Variants in ERCC6L2 observed in about 807,000 individuals in gnomAD.
ERCC6L2 encodes ERCC excision repair 6 like 2, also known as DNA excision repair protein ERCC-6-like 2.
Under a neutral mutation model 132.0 loss-of-function variants are expected in ERCC6L2, and 77 were observed. The ratio of observed to expected loss-of-function variants is 0.58; its 90% CI spans 0.49 to 0.71. ERCC6L2 has a LOEUF of 0.71. ERCC6L2 is among the 30% of genes least tolerant of loss of function. The pLI is 0.00. For missense variants in ERCC6L2, 1,542 were observed against 1,837.6 expected, an observed-to-expected ratio of 0.84 and a Z score of 2.94; for synonymous variants, 583 against 632.4, an observed-to-expected ratio of 0.92 and a Z score of 1.17.
downstream of ERCC6L2, chr9:96,020,986 C>G (rs1334611252): frequency 2.2e-6 from 1 of 456,550 alleles, no homozygotes; most frequent in South Asian, 1.5e-5. Context: ...CACCGGGCCC[C>G]GTCGGACTGT....
intron 19 of ERCC6L2, among the ~76,000 whole-genome samples, chr9:96,025,429 G>C (rs993217792): frequency 6.6e-6 from 1 of 152,192 alleles, no homozygotes; most frequent in African/African-American, 2.4e-5. Flanking sequence ...TGGGTCAGGC[G>C]GTGGGGCTCA....
In ERCC6L2 at chr9:95,890,629, A is replaced by G. The variant is rs565025554; in HGVS notation, c.472-7220A>G. ...TATACAAGATCATATGCAAGAAACA[A>G]AGCCTTCTACCTTAAGGAATGATGC... On this transcript the variant is annotated intron_variant, in intron 2 of 18. Coordinates refer to ENST00000653738, the MANE Select transcript of ERCC6L2 (RefSeq NM_020207.7). Among the ~76,000 whole-genome samples the G allele has an allele frequency of 2.4e-4, 37 of 152,324 alleles. No homozygotes were observed. In the East Asian group the frequency reaches 6.9e-3, roughly 29 times the overall value.
chr9:95,951,138 A>G (rs1831312481), intron 12 of ERCC6L2, among the ~76,000 whole-genome samples: 1 of 152,232 alleles, frequency 6.6e-6, no homozygotes, highest in South Asian at 2.1e-4. Flanking sequence ...CAGTCACAGT[A>G]CAATGAAACT....
intron 2 of ERCC6L2, among the ~76,000 whole-genome samples, chr9:95,891,817 A>G (rs530309844): frequency 6.6e-6 from 1 of 152,204 alleles, no homozygotes; most frequent in East Asian, 1.9e-4. Context: ...ACATATTTTC[A>G]TGTGCTTTTT....
Position 95,941,457 on chromosome 9 carries a change from T to C in ERCC6L2, c.1755T>C (p.Ala585=). 1 of 1,610,188 alleles carries C rather than the reference T, an allele frequency of 6.2e-7. No individual in the cohort carries two copies. Among genetic ancestry groups the C allele is most frequent in the Non-Finnish European group, 8.5e-7 (1 of 1,177,330 alleles). ...TTTTTTTTTCTCTTTCCTCCAGGGC[T>C]GGTGGACTAGGCCTCAATTTTGTCG... ...DVNICLVSTM[A]GGLGLNFVGA... is the part of the protein sequence containing the mutation. The change falls in exon 12 of 19, where the codon GCT becomes GCC. Residue 585 remains alanine, a synonymous_variant. Coordinates refer to ENST00000653738, the MANE Select transcript of ERCC6L2 (RefSeq NM_020207.7).
At chr9:95,941,739 C>T (rs967746753) in intron 12 of ERCC6L2, among the ~76,000 whole-genome samples, 190 bp downstream of exon 12, 1 of 152,080 alleles carries the variant, frequency 6.6e-6, no homozygotes, top group Non-Finnish European at 1.5e-5. Context: ...TTTCATCCAT[C>T]TCAGAATCCT....
chr9:95,994,257 G>C lies in ERCC6L2; in HGVS notation c.3493-10263G>C, dbSNP rs530315639. On this transcript the variant is annotated intron_variant, in intron 17 of 18. Transcript: ENST00000653738. ...GAAGCTCAGGAACAAGGTGTACAAA[G>C]AGCTATCCTGGGATGGGCAGATCCT... Among the ~76,000 whole-genome samples, 15 of 152,266 alleles carry C rather than the reference G, an allele frequency of 9.9e-5. No individual in the cohort carries two copies. The East Asian group carries it at 2.9e-3, about 29-fold the overall frequency.
chr9:95,955,968 G>C lies in ERCC6L2; in HGVS notation c.1902G>C (p.Leu634Phe), dbSNP rs1279012764. ...RDVKVLRLIS[L>F]GTVEEIMYLR... The stretch of plus-strand genomic sequence containing the variant: ...TCAAAGTGCTTAGGCTGATATCCTT[G>C]GGAACTGTGGAGGAAATCATGTATT... The change falls in exon 13 of 19, where the codon TTG (leucine) becomes TTC (phenylalanine). Residue 634 changes from leucine (L) to phenylalanine (F), a missense_variant. Coordinates refer to ENST00000653738, the MANE Select transcript of ERCC6L2 (RefSeq NM_020207.7). The C allele has an allele frequency of 1.2e-6, 2 of 1,608,156 alleles. No homozygotes were observed. Among genetic ancestry groups the C allele is most frequent in the Admixed American group, 3.4e-5 (2 of 59,072 alleles).
At chr9:96,000,130 G>A (rs1232955035) in intron 17 of ERCC6L2, among the ~76,000 whole-genome samples, 4 of 152,046 alleles carry the variant, frequency 2.6e-5, no homozygotes, top group East Asian at 3.9e-4. Flanking sequence ...CTCGTGATCC[G>A]CCCACCTCGG....
At position 95,972,776 on chromosome 9, in the gene ERCC6L2, A is replaced by G; in HGVS notation, c.3025A>G (p.Thr1009Ala). 2.3e-6 allele frequency: 3 copies of G among 1,303,892 alleles called. No homozygotes were observed. The highest frequency in any genetic ancestry group is 3.0e-6 in the Non-Finnish European group (3 of 988,838). The allele number at this position is 1,303,892 out of a possible 1,614,324, so 80.8% of individuals were successfully genotyped here. ...SSLRFKRIKE[T>A]KKELHNSPKT... ...ATTGAGGTTTAAGAGAATAAAAGAA[A>G]CCAAAAAAGAACTTCACAATTCTCC... Residue 1009 changes from threonine to alanine, a missense_variant, in exon 16 of 19, where the codon ACC (threonine) becomes GCC (alanine). Physicochemically the swap from Thr to Ala is moderately conservative, Grantham distance 58. Around this residue, in one of 4 missense-constraint regions of ERCC6L2, gnomAD observed 945 missense variants for 1,105.2 expected, o/e 0.86. Coordinates refer to ENST00000653738, the MANE Select transcript of ERCC6L2 (RefSeq NM_020207.7).
At chr9:96,010,591 C>T (rs1681036027) in intron 18 of ERCC6L2, among the ~76,000 whole-genome samples, 1 of 152,144 alleles carries the variant, frequency 6.6e-6, no homozygotes, top group African/African-American at 2.4e-5. Context: ...CACCCTCTCC[C>T]CCTGGGAGAC....
chr9:95,954,598 G>C, intron 12 of ERCC6L2: 1 of 355,750 alleles, frequency 2.8e-6, no homozygotes, highest in East Asian at 7.5e-5. Flanking sequence ...ACAGTAACAA[G>C]TGTCTAAAAT....
chr9:95,922,450 G>T, intron 8 of ERCC6L2, 32 bp downstream of exon 8: 2 of 1,233,368 alleles, frequency 1.6e-6, no homozygotes, highest in Non-Finnish European at 2.4e-6. Flanking sequence ...TCTTTGTGAT[G>T]CTATTGTTGT....
At chr9:95,955,792 A>G in intron 12 of ERCC6L2, 122 bp from the exon 13 acceptor site, 6 of 513,440 alleles carry the variant, frequency 1.2e-5, no homozygotes, top group Non-Finnish European at 2.0e-5. Context: ...ATTTAAACAT[A>G]AAATGTTTAT....
chr9:95,932,101 C>T (rs1461052898), intron 11 of ERCC6L2, among the ~76,000 whole-genome samples: 3 of 149,942 alleles, frequency 2.0e-5, no homozygotes, highest in African/African-American at 7.4e-5. Context: ...GACAGTGTCT[C>T]ACTCTGTGGC....
intron 13 of ERCC6L2, among the ~76,000 whole-genome samples, chr9:95,964,232 C>G (rs1011378560): frequency 6.6e-6 from 1 of 152,100 alleles, no homozygotes; most frequent in Non-Finnish European, 1.5e-5. Flanking sequence ...TCATGGCTTC[C>G]TATTTTAGTA....
chr9:95,993,290 A>G (rs758438384), intron 17 of ERCC6L2, among the ~76,000 whole-genome samples: 9 of 152,192 alleles, frequency 5.9e-5, no homozygotes, highest in Non-Finnish European at 1.3e-4. Flanking sequence ...TGCTATCTGG[A>G]AAGGCTTCTA....
chr9:96,026,984 C>A (rs539922038), intron 19 of ERCC6L2, among the ~76,000 whole-genome samples: 1 of 149,646 alleles, frequency 6.7e-6, no homozygotes, highest in African/African-American at 2.5e-5. Context: ...ACACACCACA[C>A]ACACACCACA....
intron 17 of ERCC6L2, among the ~76,000 whole-genome samples, chr9:95,978,966 G>A (rs554656887): frequency 2.6e-5 from 4 of 152,196 alleles, no homozygotes; most frequent in African/African-American, 9.6e-5. Context: ...TAATTTATTC[G>A]TACCTCACTG....
Sources: allele counts gnomAD v4.1 joint callset (sites outside exome capture counted in the v4.1 genomes callset), GRCh38; gene constraint gnomAD v4.1.1; regional missense constraint gnomAD v4.1.1; transcripts MANE v1.5; gene names NCBI Gene and HGNC (gene_info 2026-07-23, HGNC 2026-07-21).